The following ZMIZ1 variants were observed in gnomAD, a reference collection of about 807,000 sequenced individuals.
ZMIZ1 encodes zinc finger MIZ domain-containing protein 1.
Under a neutral mutation model 113.9 loss-of-function variants are expected in ZMIZ1, and 17 were observed. The ratio of observed to expected loss-of-function variants is 0.15; its 90% CI spans 0.10 to 0.22. ZMIZ1 has a LOEUF of 0.22. Among genes scored for constraint, ZMIZ1 ranks in the 10% least tolerant of loss-of-function variants. ZMIZ1 has a pLI of 1.00. For synonymous variants in ZMIZ1, 607 were observed against 603.1 expected (o/e 1.01, Z -0.09); for missense variants, 1,059 against 1,477.8 (o/e 0.72, Z 4.65).
intron 4 of ZMIZ1, among the ~76,000 whole-genome samples, chr10:79,195,500 G>A (rs931953497): frequency 7.9e-5 from 12 of 152,200 alleles, no homozygotes; most frequent in Middle Eastern, 3.2e-3. Context: ...CGGCCTCTCC[G>A]GCTATAGAGC....
intron 11 of ZMIZ1, 25 bp downstream of exon 11, chr10:79,292,381 C>A: frequency 6.3e-7 from 1 of 1,585,886 alleles, no homozygotes; most frequent in South Asian, 1.1e-5. Flanking sequence ...TAATCCTGGT[C>A]CAGCCTTGCC....
chr10:79,099,716 G>A (rs1843294162), intron 1 of ZMIZ1, among the ~76,000 whole-genome samples: 1 of 152,188 alleles, frequency 6.6e-6, no homozygotes, highest in African/African-American at 2.4e-5. Context: ...GATGTGCCTG[G>A]GAAGCATCTC....
chr10:79,252,012 C>T (rs907154139), intron 7 of ZMIZ1, among the ~76,000 whole-genome samples: 7 of 152,132 alleles, frequency 4.6e-5, no homozygotes, highest in Non-Finnish European at 1.0e-4. Context: ...GAGTAAGGGC[C>T]GAGCACTTGG....
chr10:79,290,918 T>C (rs1853450014), intron 9 of ZMIZ1, 41 bp from the exon 10 acceptor site: 1 of 1,605,418 alleles, frequency 6.2e-7, no homozygotes, highest in Admixed American at 1.7e-5. Flanking sequence ...CCACACTGCC[T>C]CGGGTAGCAC....
chr10:79,204,871 ATAGG>A (rs34279769), intron 5 of ZMIZ1, among the ~76,000 whole-genome samples: 24,392 of 152,030 alleles, frequency 0.16, 2,488 homozygotes, highest in East Asian at 0.32. Flanking sequence ...GAATGGGTAG[ATAGG>A]TAGATGAATG....
intron 1 of ZMIZ1, among the ~76,000 whole-genome samples, chr10:79,078,255 C>T (rs182059051): frequency 3.1e-4 from 47 of 152,192 alleles, no homozygotes; most frequent in Non-Finnish European, 4.7e-4. Context: ...GGAAGGAGGC[C>T]ACAGAGGGAC....
At chr10:79,175,583 CGTGTGTGTGTGTGTGTGTGTGT>C (rs757004699) in intron 4 of ZMIZ1, among the ~76,000 whole-genome samples, 13 of 125,384 alleles carry the variant, frequency 1.0e-4, no homozygotes, top group South Asian at 2.7e-4. Context: ...GTGCACTCTG[CGTGTGTGTGTGTGTGTGTGTGT>C]GTGTGTGTGT....
chr10:79,230,162 GC>G (rs1414902386), intron 7 of ZMIZ1, among the ~76,000 whole-genome samples: 2 of 147,072 alleles, frequency 1.4e-5, no homozygotes, highest in African/African-American at 2.5e-5. Flanking sequence ...CTCTCTCCCC[GC>G]CCCCCTTTCT....
chr10:79,298,431 A>G lies in ZMIZ1; in HGVS notation c.1517A>G (p.Asn506Ser). Residue 506 changes from asparagine to serine, a missense_variant, in exon 15 of 25, where the codon AAT becomes AGT. By Grantham distance (46) the Asn-to-Ser change is conservative. Coordinates refer to ENST00000334512, the MANE Select transcript of ZMIZ1 (RefSeq NM_020338.4). Reference protein sequence around the residue: ...NRPPRPVPVANYPHSPVPGNP... With the variant: ...NRPPRPVPVASYPHSPVPGNP... ...CCTCCCAGGCCGGTTCCTGTGGCAA[A>G]TTACCCCCACTCACCTGTTCCAGGG... 6.2e-7 allele frequency: 1 copy of G among 1,609,024 alleles called. No homozygotes were observed. The highest frequency in any genetic ancestry group is 1.1e-5 in the South Asian group (1 of 90,814).
chr10:79,279,980 GTAT>G (rs1434370741), intron 8 of ZMIZ1, among the ~76,000 whole-genome samples: 1 of 146,466 alleles, frequency 6.8e-6, no homozygotes, highest in Non-Finnish European at 1.5e-5. Context: ...AGGGAGAGGG[GTAT>G]TATTATTACT....
intron 2 of ZMIZ1, among the ~76,000 whole-genome samples, chr10:79,120,640 C>T (rs1461207413): frequency 3.9e-5 from 6 of 152,318 alleles, no homozygotes; most frequent in African/African-American, 7.2e-5. Flanking sequence ...GCCTCCTATA[C>T]GGTGGCCGCA....
chr10:79,300,308 G>A (rs1854205651), intron 16 of ZMIZ1, among the ~76,000 whole-genome samples: 1 of 152,190 alleles, frequency 6.6e-6, no homozygotes, highest in African/African-American at 2.4e-5. Context: ...CTTGGGGAGT[G>A]CTCAGAACCA....
rs145044313 is a variant in ZMIZ1 at position 79,268,403 on chromosome 10, A to G, written c.281-8778A>G. 3.6e-3 allele frequency among the ~76,000 whole-genome samples: 551 copies of G among 152,348 alleles called. 2 individuals are homozygous for G. Among genetic ancestry groups the G allele is most frequent in the African/African-American group, 0.013 (524 of 41,576 alleles). ...TTTCTGAAGCTGGTTTCCTGCCCCC[A>G]GGAATGGGGAGCTGCTGGTAGGTTT... On this transcript the variant is annotated intron_variant, in intron 7 of 24. Coordinates refer to ENST00000334512, the MANE Select transcript of ZMIZ1 (RefSeq NM_020338.4).
At chr10:79,114,296 T>C (rs564021473) in intron 1 of ZMIZ1, among the ~76,000 whole-genome samples, 14 of 152,368 alleles carry the variant, frequency 9.2e-5, no homozygotes, top group Admixed American at 7.2e-4. Context: ...TCTGTATGTT[T>C]TTAAGAAATA....
intron 4 of ZMIZ1, among the ~76,000 whole-genome samples, chr10:79,178,106 A>T (rs1484471372): frequency 6.6e-6 from 1 of 151,964 alleles, no homozygotes; most frequent in African/African-American, 2.4e-5. Flanking sequence ...CTCTGGGGAG[A>T]TGCCCCCCAC....
At position 79,169,647 on chromosome 10, in the gene ZMIZ1, G is replaced by A. The variant is rs564222705; in HGVS notation, c.-50+7514G>A. On this transcript the variant is annotated intron_variant, in intron 4 of 24. Coordinates refer to ENST00000334512, the MANE Select transcript of ZMIZ1 (RefSeq NM_020338.4). ...AGTGTGATAGAGGATAAAGTGTGGC[G>A]TGTGGTCAAAGTGTGTGGGTTTCAG... Among the ~76,000 whole-genome samples the A allele has an allele frequency of 3.9e-5, 6 of 152,346 alleles. No individual in the cohort carries two copies. In the East Asian group the frequency reaches 5.8e-4, roughly 15 times the overall value.
intron 7 of ZMIZ1, among the ~76,000 whole-genome samples, chr10:79,238,805 TC>T (rs1436811594): frequency 2.0e-5 from 3 of 152,204 alleles, no homozygotes; most frequent in Admixed American, 6.5e-5. Context: ...TGGAAATAGC[TC>T]CTGTCAGAAA....
At chr10:79,270,943 G>GTAA (rs1851911848) in intron 7 of ZMIZ1, among the ~76,000 whole-genome samples, 1 of 152,156 alleles carries the variant, frequency 6.6e-6, no homozygotes, top group Non-Finnish European at 1.5e-5. Context: ...GAAAGAAGAA[G>GTAA]TAATGCCTTC....
chr10:79,085,692 C>T (rs1485284093), intron 1 of ZMIZ1, among the ~76,000 whole-genome samples: 1 of 152,234 alleles, frequency 6.6e-6, no homozygotes, highest in Non-Finnish European at 1.5e-5. Context: ...CAGGCTTCAG[C>T]CCAAGAGATG....
Sources: gnomAD v4.1 joint callset for allele counts (sites outside exome capture counted in the v4.1 genomes callset) on GRCh38, gnomAD v4.1.1 for gene constraint, MANE v1.5 for transcripts, NCBI Gene and HGNC (gene_info 2026-07-23, HGNC 2026-07-21) for gene names.